The following STAT3 variants were observed in gnomAD, a reference collection of about 807,000 sequenced individuals.
STAT3 encodes DNA-binding protein APRF.
Under a neutral mutation model 114.3 loss-of-function variants are expected in STAT3, and 7 were observed. The ratio of observed to expected loss-of-function variants is 0.06; its 90% CI spans 0.03 to 0.11. The LOEUF is 0.11. Among genes scored for constraint, STAT3 ranks in the 10% least tolerant of loss-of-function variants. STAT3 has a pLI of 1.00. For missense variants in STAT3, 364 were observed against 960.9 expected, an observed-to-expected ratio of 0.38 and a Z score of 8.21; for synonymous variants, 331 against 354.5, an observed-to-expected ratio of 0.93 and a Z score of 0.74.
At chr17:42,357,405 G>A (rs1306985191) in intron 1 of STAT3, among the ~76,000 whole-genome samples, 1 of 152,180 alleles carries the variant, frequency 6.6e-6, no homozygotes, top group East Asian at 1.9e-4. Context: ...TAGGCCAGGT[G>A]TGGTGGCTCA....
In STAT3 at chr17:42,333,859, G is replaced by T; in HGVS notation, c.956+32C>A. ...CACGTGAGTCTTTAGGTATTTTTTAGATGAGGGAAAGGGACAAGGATGCTA... is the reference window on the plus strand; with the variant it reads ...CACGTGAGTCTTTAGGTATTTTTTATATGAGGGAAAGGGACAAGGATGCTA... On this transcript the variant is annotated intron_variant, in intron 9 of 23. Transcript: ENST00000264657. The surrounding 1 kb of genome is among the most constrained non-coding windows in gnomAD (Gnocchi z 5.2). 6.2e-7 allele frequency: 1 copy of T among 1,614,182 alleles called. No individual in the cohort carries two copies. Among genetic ancestry groups the T allele is most frequent in the South Asian group, 1.1e-5 (1 of 91,076 alleles).
chr17:42,342,723 G>C (rs543918622), intron 4 of STAT3, among the ~76,000 whole-genome samples: 1 of 152,106 alleles, frequency 6.6e-6, no homozygotes, highest in Non-Finnish European at 1.5e-5. Flanking sequence ...AAGTGGCAGG[G>C]CTGCGGGTTC....
In STAT3 at chr17:42,325,066, G is replaced by A. The variant is rs951615323; in HGVS notation, c.1366-5C>T. Reference sequence around the variant, plus strand: ...CACAACTGGCAAGGAGTGGGTCTGCGGAGGGAGTGGGGACTGAGCTGGGGA... The same window carrying A: ...CACAACTGGCAAGGAGTGGGTCTGCAGAGGGAGTGGGGACTGAGCTGGGGA... On this transcript the variant is annotated splice_region_variant and splice_polypyrimidine_tract_variant and intron_variant, in intron 15 of 23. Transcript: ENST00000264657. 2.1e-5 allele frequency: 34 copies of A among 1,613,672 alleles called. No homozygotes were observed. Among genetic ancestry groups the A allele is most frequent in the Middle Eastern group, 1.6e-4 (1 of 6,070 alleles).
chr17:42,351,348 G>A (rs929868144), intron 1 of STAT3, among the ~76,000 whole-genome samples: 1 of 151,422 alleles, frequency 6.6e-6, no homozygotes, highest in African/African-American at 2.4e-5. Flanking sequence ...CAGCTCAAAC[G>A]ATCCTCCCAC....
chr17:42,358,009 T>A (rs1047025982), intron 1 of STAT3, among the ~76,000 whole-genome samples: 4 of 152,160 alleles, frequency 2.6e-5, no homozygotes, highest in Admixed American at 2.6e-4. Flanking sequence ...TATAACAGGA[T>A]TTGCTTTAAA....
Position 42,326,269 on chromosome 17 carries a change from A to C in STAT3, c.1282-70T>G. The stretch of plus-strand genomic sequence containing the variant: ...ATGCCTGTAATCCCAGCACTTTGGG[A>C]GGCCAAGGCAGGAGGATTGCCTGAG... On this transcript the variant is annotated intron_variant, in intron 14 of 23. Coordinates refer to ENST00000264657, the MANE Select transcript of STAT3 (RefSeq NM_139276.3). 5 of 1,411,970 alleles carry C rather than the reference A, an allele frequency of 3.5e-6. No homozygotes were observed. The South Asian group carries it at 5.8e-5, about 16-fold the overall frequency. 87.5% of individuals were successfully genotyped at this position (1,411,970 alleles called of 1,614,324 possible).
rs751757124 is a variant in STAT3, at chr17:42,316,912, TG to T, written c.2145-12del. 1.3e-6 allele frequency: 2 copies of T among 1,581,380 alleles called. No individual in the cohort carries two copies. The highest frequency in any genetic ancestry group is 1.8e-5 in the Admixed American group (1 of 56,792). On this transcript the variant is annotated splice_polypyrimidine_tract_variant and intron_variant, in intron 22 of 23. Coordinates refer to ENST00000264657, the MANE Select transcript of STAT3 (RefSeq NM_139276.3). ...TTGCTGCAGGTCGTTCTGTAGGAAA[TG>T]GGGGGCAGCAGGAGGGGAAACGGGG... is the stretch of plus-strand genomic sequence containing the variant.
Position 42,388,377 on chromosome 17 carries a change from G to C in STAT3, c.-122C>G. On this transcript the variant is annotated 5_prime_UTR_variant, in exon 1 of 24. Transcript: ENST00000264657. Reference sequence around the variant, plus strand: ...CGAAGGGCCTCTCCGAGCCGAGGGGGAGAGACAGCGCCAAGCCGGGGTGCC... The same window carrying C: ...CGAAGGGCCTCTCCGAGCCGAGGGGCAGAGACAGCGCCAAGCCGGGGTGCC... 8.1e-7 allele frequency: 1 copy of C among 1,231,672 alleles called. No homozygotes were observed. The allele number at this position is 1,231,672 out of a possible 1,614,324, so 76.3% of individuals were successfully genotyped here.
At chr17:42,339,270 A>T (rs1210868986) in intron 5 of STAT3, 44 bp downstream of exon 5, 20 of 1,597,748 alleles carry the variant, frequency 1.3e-5, no homozygotes, top group Middle Eastern at 1.7e-4. Context: ...AAAAAAAAAA[A>T]AATTAATGAA....
Position 42,317,170 on chromosome 17 carries a change from G to A in STAT3, c.2144+12C>T. On this transcript the variant is annotated intron_variant, in intron 22 of 23. Transcript: ENST00000264657. The stretch of plus-strand genomic sequence containing the variant: ...AGAAATGAAGGCAAAACGGGGAAAG[G>A]AAGCCACTTACGGTGTCACACAGAT... 6.2e-7 allele frequency: 1 copy of A among 1,614,036 alleles called. No individual in the cohort carries two copies. The highest frequency in any genetic ancestry group is 8.5e-7 in the Non-Finnish European group (1 of 1,179,980).
intron 15 of STAT3, 26 bp from the exon 16 acceptor site, chr17:42,325,087 G>C: frequency 6.2e-7 from 1 of 1,608,312 alleles, no homozygotes; most frequent in African/African-American, 1.3e-5. Flanking sequence ...GGACTGAGCT[G>C]GGGAGGCAGA....
chr17:42,348,654 G>A, intron 1 of STAT3, 115 bp from the exon 2 acceptor site: 2 of 1,188,998 alleles, frequency 1.7e-6, no homozygotes, highest in South Asian at 1.3e-5. Context: ...AAGATGCTCT[G>A]GGGAGGACCC....
chr17:42,352,868 A>G (rs565631325), intron 1 of STAT3, among the ~76,000 whole-genome samples: 1 of 152,188 alleles, frequency 6.6e-6, no homozygotes, highest in Non-Finnish European at 1.5e-5. Flanking sequence ...TGGCTGCTTC[A>G]AACTGAACTA....
intron 1 of STAT3, among the ~76,000 whole-genome samples, chr17:42,362,701 C>T (rs2083575174): frequency 6.6e-6 from 1 of 152,208 alleles, no homozygotes. Flanking sequence ...GGTTGCTGTA[C>T]AAATTCATCG....
chr17:42,378,134 A>T (rs1285326195), intron 1 of STAT3, among the ~76,000 whole-genome samples: 2 of 144,542 alleles, frequency 1.4e-5, no homozygotes, highest in African/African-American at 5.2e-5. Context: ...TACAGGCGTG[A>T]GCCACCGCAC....
chr17:42,366,869 G>A (rs996613925), intron 1 of STAT3, among the ~76,000 whole-genome samples: 68 of 151,962 alleles, frequency 4.5e-4, no homozygotes, highest in Admixed American at 4.1e-3. Context: ...TGGCTGGCAC[G>A]GTGGCTCAAA....
At chr17:42,325,659 G>A (rs1289544614) in intron 15 of STAT3, among the ~76,000 whole-genome samples, 2 of 151,832 alleles carry the variant, frequency 1.3e-5, no homozygotes, top group African/African-American at 2.4e-5. Context: ...CTGCCTCCCA[G>A]GTTCAAGTGA....
chr17:42,345,202 T>C (rs1598437942), intron 4 of STAT3, among the ~76,000 whole-genome samples: 1 of 151,522 alleles, frequency 6.6e-6, no homozygotes. Flanking sequence ...GAGGTGGAGG[T>C]TGCAGTGAGC....
At chr17:42,358,237 G>A (rs746880705) in intron 1 of STAT3, among the ~76,000 whole-genome samples, 22 of 152,098 alleles carry the variant, frequency 1.4e-4, no homozygotes, top group Non-Finnish European at 2.4e-4. Context: ...GCAACACCGT[G>A]AGACCTTGCC....
Sources: allele counts gnomAD v4.1 joint callset (sites outside exome capture counted in the v4.1 genomes callset), GRCh38; gene constraint gnomAD v4.1.1; non-coding constraint Gnocchi (gnomAD v3.1); transcripts MANE v1.5; gene names NCBI Gene and HGNC (gene_info 2026-07-23, HGNC 2026-07-21).